PHACTR1: variants seen among roughly 807,000 people sequenced by gnomAD.
PHACTR1 encodes the protein phosphatase and actin regulator 1.
In PHACTR1, 16 loss-of-function variants were observed where a neutral mutation model predicts 69.2. That is an observed-to-expected ratio of 0.23 (90% CI 0.16 to 0.35). PHACTR1 has a LOEUF of 0.35. PHACTR1 is among the 10% of genes least tolerant of loss of function. PHACTR1 has a pLI of 1.00. For synonymous variants in PHACTR1, 312 were observed against 284.5 expected (o/e 1.10, Z -0.97); for missense variants, 510 against 734.7 (o/e 0.69, Z 3.54).
chr6:13,202,419 G>T (rs770141657), intron 7 of PHACTR1, among the ~76,000 whole-genome samples: 1 of 151,916 alleles, frequency 6.6e-6, no homozygotes, highest in Non-Finnish European at 1.5e-5. Context: ...ATGGGTTAAG[G>T]GTCCTGGAGC....
At chr6:12,932,269 G>A (rs1215097476) in intron 4 of PHACTR1, among the ~76,000 whole-genome samples, 1 of 152,094 alleles carries the variant, frequency 6.6e-6, no homozygotes, top group Admixed American at 6.6e-5. Context: ...CAGACTGACA[G>A]ATCTGGTCCT....
At chr6:12,936,965 G>C (rs1025437798) in intron 4 of PHACTR1, among the ~76,000 whole-genome samples, 6 of 152,128 alleles carry the variant, frequency 3.9e-5, no homozygotes, top group Non-Finnish European at 5.9e-5. Flanking sequence ...AGTCACATCA[G>C]AGCCAATGTA....
chr6:12,729,540 G>A lies in PHACTR1; in HGVS notation c.103+10693G>A, dbSNP rs564730938. ...TCTGCCTAGGCTGACAGGTTATACT[G>A]TAGAGGTGGAGAATGGCGTAAGAGA... On this transcript the variant is annotated intron_variant, in intron 3 of 14. Transcript: ENST00000332995. Among the ~76,000 whole-genome samples, 5 of 152,322 alleles carry A rather than the reference G, an allele frequency of 3.3e-5. 1 individual carries two copies. The highest frequency in any genetic ancestry group is 7.2e-5 in the African/African-American group (3 of 41,582).
intron 5 of PHACTR1, among the ~76,000 whole-genome samples, chr6:13,151,921 A>AGTGTGT (rs35038578): frequency 5.3e-5 from 8 of 150,586 alleles, no homozygotes; most frequent in Non-Finnish European, 8.9e-5. Context: ...TTTATAAATA[A>AGTGTGT]GTGTGTGTGT....
chr6:12,898,865 C>CGCACTGCA (rs748661574), intron 4 of PHACTR1, among the ~76,000 whole-genome samples: 1 of 152,282 alleles, frequency 6.6e-6, no homozygotes, highest in Non-Finnish European at 1.5e-5. Context: ...TCCCCTGCAC[C>CGCACTGCA]GCACTGCAGC....
At chr6:12,968,495 C>G (rs1793765274) in intron 4 of PHACTR1, among the ~76,000 whole-genome samples, 1 of 152,158 alleles carries the variant, frequency 6.6e-6, no homozygotes, top group South Asian at 2.1e-4. Flanking sequence ...ATCCGTGCCT[C>G]TCCAGAACTC....
chr6:13,243,647 T>C (rs1398299986), intron 10 of PHACTR1, among the ~76,000 whole-genome samples: 2 of 152,162 alleles, frequency 1.3e-5, no homozygotes, highest in African/African-American at 4.8e-5. Context: ...AGAGATAAAT[T>C]CCATATAGTG....
chr6:13,088,376 T>G (rs1012491808), intron 5 of PHACTR1, among the ~76,000 whole-genome samples: 13 of 150,866 alleles, frequency 8.6e-5, no homozygotes, highest in African/African-American at 3.2e-4. Context: ...TGTAGCTGAT[T>G]CTCCATTTCA....
At chr6:13,147,186 A>AAT (rs1316374482) in intron 5 of PHACTR1, among the ~76,000 whole-genome samples, 1 of 152,248 alleles carries the variant, frequency 6.6e-6, no homozygotes, top group African/African-American at 2.4e-5. Flanking sequence ...ATAAGGGACC[A>AAT]ATAAATGGAG....
intron 5 of PHACTR1, among the ~76,000 whole-genome samples, chr6:13,156,299 A>T (rs1561913090): frequency 6.6e-6 from 1 of 152,250 alleles, no homozygotes; most frequent in South Asian, 2.1e-4. Context: ...GGACAAAGCC[A>T]TAGAAGAAAT....
intron 13 of PHACTR1, among the ~76,000 whole-genome samples, chr6:13,284,547 T>TATATAC (rs1562128809): frequency 1.3e-5 from 1 of 76,680 alleles, no homozygotes; most frequent in African/African-American, 7.9e-5. Flanking sequence ...AAAAAAAATA[T>TATATAC]ATATATATAT....
At position 12,850,195 on chromosome 6, in the gene PHACTR1, G is replaced by C. The variant is rs377596081; in HGVS notation, c.250+100405G>C. On this transcript the variant is annotated intron_variant, in intron 4 of 14. Transcript: ENST00000332995. ...TATTCTTATCCCAAAGCCTATGCCAGATATTGGATCTCCTTCTTCCGTCAC... is the reference window on the plus strand; with the variant it reads ...TATTCTTATCCCAAAGCCTATGCCACATATTGGATCTCCTTCTTCCGTCAC... Among the ~76,000 whole-genome samples the C allele has an allele frequency of 1.1e-4, 16 of 152,232 alleles. No individual in the cohort carries two copies. The East Asian group carries it at 3.1e-3, about 29-fold the overall frequency.
intron 4 of PHACTR1, among the ~76,000 whole-genome samples, chr6:12,800,160 T>C (rs1282234130): frequency 3.3e-5 from 5 of 152,120 alleles, no homozygotes; most frequent in African/African-American, 1.2e-4. Flanking sequence ...CAAGAAGCAA[T>C]GGCAAAGAAA....
intron 4 of PHACTR1, among the ~76,000 whole-genome samples, chr6:12,773,742 T>A (rs1462953946): frequency 6.6e-6 from 1 of 152,218 alleles, no homozygotes; most frequent in Non-Finnish European, 1.5e-5. Context: ...TGCCAGAATA[T>A]CTACTTCTCA....
intron 4 of PHACTR1, among the ~76,000 whole-genome samples, chr6:13,032,576 G>A (rs781375948): frequency 8.6e-5 from 13 of 151,726 alleles, no homozygotes; most frequent in African/African-American, 1.2e-4. Context: ...TATTTACTTT[G>A]TCATAAAATT....
intron 4 of PHACTR1, among the ~76,000 whole-genome samples, chr6:12,788,294 G>T (rs1213788690): frequency 6.6e-6 from 1 of 152,106 alleles, no homozygotes; most frequent in African/African-American, 2.4e-5. Flanking sequence ...TTAGCGAGAT[G>T]AGGGCTTTGC....
chr6:12,782,942 A>G (rs994258875), intron 4 of PHACTR1, among the ~76,000 whole-genome samples: 1 of 152,236 alleles, frequency 6.6e-6, no homozygotes, highest in Non-Finnish European at 1.5e-5. Context: ...ATTTGTGTTC[A>G]ACCTATATTA....
At chr6:13,116,187 G>T (rs181084755) in intron 5 of PHACTR1, among the ~76,000 whole-genome samples, 1 of 152,154 alleles carries the variant, frequency 6.6e-6, no homozygotes, top group African/African-American at 2.4e-5. Flanking sequence ...CTACCAATAG[G>T]CAGATAACTG....
chr6:12,745,491 G>C lies in PHACTR1; in HGVS notation c.104-4153G>C, dbSNP rs553202586. Among the ~76,000 whole-genome samples, 3 of 152,300 alleles carry C rather than the reference G, an allele frequency of 2.0e-5. No individual in the cohort carries two copies. In the South Asian group the frequency reaches 6.2e-4, roughly 32 times the overall value. Reference sequence around the variant, plus strand: ...CAGTTGAATTCAATGCTTCTGTACAGATGCCTACATCCACATATTCACACA... The same window carrying C: ...CAGTTGAATTCAATGCTTCTGTACACATGCCTACATCCACATATTCACACA... On this transcript the variant is annotated intron_variant, in intron 3 of 14. Transcript: ENST00000332995.
Sources: allele counts gnomAD v4.1 joint callset (sites outside exome capture counted in the v4.1 genomes callset), GRCh38; gene constraint gnomAD v4.1.1; transcripts MANE v1.5; gene names NCBI Gene and HGNC (gene_info 2026-07-23, HGNC 2026-07-21).